The following SI variants were observed in gnomAD, a reference collection of about 807,000 sequenced individuals.
SI encodes sucrase-isomaltase, intestinal.
SI carries 235 observed loss-of-function variants against 253.3 expected under a neutral mutation model. That is an observed-to-expected ratio of 0.93 (90% CI 0.83 to 1.03). The LOEUF (loss-of-function observed/expected upper bound fraction) is 1.03, where lower values mean the gene tolerates loss of function less well. Ranked by LOEUF, SI falls within the 50% of genes least tolerant of loss-of-function variation. The pLI, the probability that SI is intolerant of heterozygous loss-of-function variation, is 0.00. For missense variants in SI, 2,442 were observed against 2,211.1 expected (o/e 1.10, Z -2.09); for synonymous variants, 819 against 712.0 (o/e 1.15, Z -2.39).
At position 165,071,454 on chromosome 3, in the gene SI, A is replaced by G. The variant is rs574720468; in HGVS notation, c.256-2259T>C. ...TATAATAAATTTATCATATTTTAAC[A>G]TATTTTATCATATATATGTATATAC... On this transcript the variant is annotated intron_variant, in intron 3 of 47. Coordinates refer to ENST00000264382, the MANE Select transcript of SI (RefSeq NM_001041.4). Among the ~76,000 whole-genome samples the G allele has an allele frequency of 3.3e-5, 5 of 151,352 alleles. No individual in the cohort carries two copies. In the South Asian group the frequency reaches 1.0e-3, roughly 31 times the overall value.
chr3:164,995,225 G>C (rs889785810), intron 40 of SI, among the ~76,000 whole-genome samples: 4 of 151,628 alleles, frequency 2.6e-5, no homozygotes, highest in African/African-American at 7.3e-5. Flanking sequence ...AAGAAAGTTT[G>C]AATGAAAATT....
At chr3:165,039,488 C>T (rs1712705527) in intron 19 of SI, among the ~76,000 whole-genome samples, 1 of 151,952 alleles carries the variant, frequency 6.6e-6, no homozygotes, top group Admixed American at 6.6e-5. Flanking sequence ...ATTACCAACC[C>T]ACTCCAGTGT....
intron 35 of SI, among the ~76,000 whole-genome samples, chr3:165,008,940 T>A (rs1417229268): frequency 1.3e-5 from 2 of 151,928 alleles, no homozygotes; most frequent in East Asian, 3.9e-4. Flanking sequence ...GAAATTTTTA[T>A]CTCTCATACA....
Position 165,021,748 on chromosome 3 carries a change from T to C in SI, c.3100-365A>G, listed in dbSNP as rs188677482. 3.1e-3 allele frequency among the ~76,000 whole-genome samples: 467 copies of C among 151,740 alleles called. 1 individual carries two copies. The highest frequency in any genetic ancestry group is 5.7e-3 in the Non-Finnish European group (388 of 67,722). ...ATATTTTTTGTCATACATATTATTATACAATAAACCCTAATGCTAATTTAT... is the reference window on the plus strand; with the variant it reads ...ATATTTTTTGTCATACATATTATTACACAATAAACCCTAATGCTAATTTAT... On this transcript the variant is annotated intron_variant, in intron 26 of 47. Coordinates refer to ENST00000264382, the MANE Select transcript of SI (RefSeq NM_001041.4).
At position 165,039,062 on chromosome 3, in the gene SI, T is replaced by A. The variant is rs1712682321; in HGVS notation, c.2301+16A>T. ...TATAATACTTGTGAGTCCATTAGTA[T>A]GTTAAGGTTACTTACAGATTCATAA... On this transcript the variant is annotated intron_variant, in intron 20 of 47. Transcript: ENST00000264382. The A allele has an allele frequency of 1.3e-6, 2 of 1,529,562 alleles. No individual in the cohort carries two copies. The highest frequency in any genetic ancestry group is 3.4e-5 in the Admixed American group (2 of 59,610). 94.7% of individuals were successfully genotyped at this position (1,529,562 alleles called of 1,614,324 possible).
intron 5 of SI, among the ~76,000 whole-genome samples, 199 bp downstream of exon 5, chr3:165,068,523 G>A (rs903283105): frequency 3.3e-5 from 5 of 152,030 alleles, no homozygotes; most frequent in Admixed American, 3.3e-4. Context: ...ACAGGCGCCC[G>A]CCACCACGCC....
At chr3:165,033,362 G>T (rs1408082697) in intron 23 of SI, 33 bp downstream of exon 23, 10 of 1,517,834 alleles carry the variant, frequency 6.6e-6, no homozygotes, top group African/African-American at 1.4e-5. Context: ...AACAAATTAT[G>T]CATTTAAGTA....
intron 6 of SI, 38 bp from the exon 7 acceptor site, chr3:165,065,470 T>TAGAG: frequency 4.4e-6 from 1 of 225,786 alleles, no homozygotes; most frequent in Non-Finnish European, 7.1e-6. Flanking sequence ...ATCTAATATA[T>TAGAG]ATATATATAT....
At chr3:165,023,177 T>A (rs1262831336) in intron 26 of SI, among the ~76,000 whole-genome samples, 2 of 151,546 alleles carry the variant, frequency 1.3e-5, no homozygotes, top group Non-Finnish European at 3.0e-5. Flanking sequence ...TCTCTAAAAG[T>A]TGAATGAAAT....
chr3:164,980,942 C>CA (rs1278285771), intron 47 of SI, among the ~76,000 whole-genome samples: 8 of 151,800 alleles, frequency 5.3e-5, no homozygotes, highest in Non-Finnish European at 1.5e-5. Flanking sequence ...TTGGACCGTG[C>CA]AAAAAAGTGA....
rs539888840 is a variant in SI at position 164,992,105 on chromosome 3, A to C, written c.4983+72T>G. 106 of 1,224,040 alleles carry C rather than the reference A, an allele frequency of 8.7e-5. No homozygotes were observed. In the African/African-American group the frequency reaches 1.5e-3, roughly 17 times the overall value. 75.8% of individuals were successfully genotyped at this position (1,224,040 alleles called of 1,614,324 possible). ...TGGAAAGTAAATCCAACATACCGTT[A>C]ATGAAAAGGCTAGGGCCAAACAATT... is the stretch of plus-strand genomic sequence containing the variant. On this transcript the variant is annotated intron_variant, in intron 43 of 47. Coordinates refer to ENST00000264382, the MANE Select transcript of SI (RefSeq NM_001041.4).
chr3:165,041,238 C>T, intron 17 of SI, 144 bp from the exon 18 acceptor site: 2 of 691,538 alleles, frequency 2.9e-6, no homozygotes, highest in Admixed American at 2.6e-5. Flanking sequence ...ATTTCATCAT[C>T]AAAGTGTCTG....
intron 30 of SI, 35 bp from the exon 31 acceptor site, chr3:165,017,708 T>C (rs781042649): frequency 1.2e-6 from 2 of 1,605,056 alleles, no homozygotes; most frequent in African/African-American, 2.7e-5. Context: ...CTAAGAGAAT[T>C]ACTTTATGCT....
intron 22 of SI, among the ~76,000 whole-genome samples, chr3:165,034,583 C>A (rs1371880553): frequency 1.3e-5 from 2 of 151,946 alleles, no homozygotes; most frequent in Non-Finnish European, 2.9e-5. Flanking sequence ...GGAGAGCTCA[C>A]CCTAGTGTGC....
At chr3:165,029,455 A>AT (rs1419071117) in intron 25 of SI, among the ~76,000 whole-genome samples, 2 of 150,178 alleles carry the variant, frequency 1.3e-5, no homozygotes, top group African/African-American at 4.9e-5. Context: ...AAAAGAAGTA[A>AT]TTATACAAAA....
intron 38 of SI, 125 bp downstream of exon 38, chr3:164,998,415 T>A: frequency 2.1e-6 from 2 of 955,180 alleles, no homozygotes; most frequent in East Asian, 5.0e-5. Context: ...TGATGCTATA[T>A]GACATAAAGT....
intron 12 of SI, among the ~76,000 whole-genome samples, chr3:165,057,844 A>G (rs1030420755): frequency 1.3e-5 from 2 of 152,100 alleles, no homozygotes; most frequent in African/African-American, 4.8e-5. Context: ...TATGCTAAAG[A>G]GAATTCTTTG....
rs138152123 is a variant in SI at position 165,072,208 on chromosome 3, A to C, written c.255+2323T>G. Among the ~76,000 whole-genome samples the C allele has an allele frequency of 9.9e-3, 1,513 of 152,122 alleles. 7 individuals are homozygous for C. The highest frequency in any genetic ancestry group is 0.051 in the Middle Eastern group (15 of 294). On this transcript the variant is annotated intron_variant, in intron 3 of 47. Transcript: ENST00000264382. ...AAAATCATTACTTTAACCAACTTCA[A>C]TCTCTACCACTGCATTTGGAACAAA... is the stretch of plus-strand genomic sequence containing the variant.
At chr3:164,991,270 A>T in intron 44 of SI, 83 bp downstream of exon 44, 1 of 1,541,618 alleles carries the variant, frequency 6.5e-7, no homozygotes, top group South Asian at 1.1e-5. Context: ...ATGGGTTAAA[A>T]TTTCAAACCC....
Sources: gnomAD v4.1 joint callset for allele counts (sites outside exome capture counted in the v4.1 genomes callset) on GRCh38, gnomAD v4.1.1 for gene constraint, MANE v1.5 for transcripts, NCBI Gene and HGNC (gene_info 2026-07-23, HGNC 2026-07-21) for gene names.